The following MGAM2 variants were observed in gnomAD, a reference collection of about 807,000 sequenced individuals.
MGAM2 encodes maltase-glucoamylase 2 (putative), also known as probable maltase-glucoamylase 2.
In MGAM2, 98 loss-of-function variants were observed where a neutral mutation model predicts 96.1. That is an observed-to-expected ratio of 1.02 (90% confidence interval 0.87 to 1.21). The LOEUF (loss-of-function observed/expected upper bound fraction) is 1.21. Ranked by LOEUF, MGAM2 falls within the 50% of genes most tolerant of loss-of-function variation. The pLI, the probability that MGAM2 is intolerant of heterozygous loss-of-function variation, is 0.00. For missense variants in MGAM2, 2,055 were observed against 1,182.4 expected, an observed-to-expected ratio of 1.74 and a Z score of -10.82; for synonymous variants, 749 against 414.8, an observed-to-expected ratio of 1.81 and a Z score of -9.79.
intron 1 of MGAM2, among the ~76,000 whole-genome samples, chr7:142,115,575 G>A (rs1289356395): frequency 6.6e-6 from 1 of 152,212 alleles, no homozygotes. Flanking sequence ...GCTGGGTGCT[G>A]TGGCTCATGC....
At position 142,218,619 on chromosome 7, in the gene MGAM2, TATC is replaced by T. The variant is rs1797834326; in HGVS notation, c.5358+91_5358+93del. The T allele has an allele frequency of 5.1e-6, 3 of 582,606 alleles. No homozygotes were observed. In the East Asian group the frequency reaches 8.5e-5, roughly 16 times the overall value. The allele number at this position is 582,606 out of a possible 1,614,324, so 36.1% of individuals were successfully genotyped here. A position where few individuals can be genotyped will look rare whatever the true frequency, so the allele number is the denominator to read the frequency against. On this transcript the variant is annotated intron_variant, in intron 47 of 47. Coordinates refer to ENST00000477922, the MANE Select transcript of MGAM2 (RefSeq NM_001293626.2). ...CAATAATTTTGCTAACAATTAAAATTATCATTGTTAAATTTTCATGTATTAGAT... is the reference window on the plus strand; with the variant it reads ...CAATAATTTTGCTAACAATTAAAATTATTGTTAAATTTTCATGTATTAGAT...
rs1398357609 is a variant in MGAM2 at position 142,204,867 on chromosome 7, G to T, written c.5138-3706G>T. Among the ~76,000 whole-genome samples, 6 of 152,028 alleles carry T rather than the reference G, an allele frequency of 3.9e-5. No homozygotes were observed. The South Asian group carries it at 8.3e-4, about 21-fold the overall frequency. ...GGCATCCAAAAGTCAAAAAGAGGAG[G>T]TTGACCAGCCATCCTGAATTTCAAA... On this transcript the variant is annotated intron_variant, in intron 45 of 47. Transcript: ENST00000477922.
chr7:142,174,714 T>A, intron 31 of MGAM2, among the ~76,000 whole-genome samples: 1 of 118,712 alleles, frequency 8.4e-6, no homozygotes, highest in Non-Finnish European at 1.7e-5. Flanking sequence ...TCTCTCTCTC[T>A]CTTTTTTTTT....
At chr7:142,193,832 A>G (rs907554592) in intron 37 of MGAM2, among the ~76,000 whole-genome samples, 46 of 152,016 alleles carry the variant, frequency 3.0e-4, no homozygotes, top group Non-Finnish European at 1.8e-4. Context: ...ACAAACACAT[A>G]CTACTGGCTT....
At chr7:142,215,234 A>G (rs1243586586) in intron 46 of MGAM2, among the ~76,000 whole-genome samples, 1 of 152,158 alleles carries the variant, frequency 6.6e-6, no homozygotes, top group Non-Finnish European at 1.5e-5. Context: ...TGTCACTCAT[A>G]TGTGGGAGTT....
chr7:142,209,339 A>AG (rs1297696197), intron 46 of MGAM2, among the ~76,000 whole-genome samples: 2 of 152,332 alleles, frequency 1.3e-5, no homozygotes, highest in East Asian at 3.9e-4. Flanking sequence ...CCAGAGACAG[A>AG]GGAGGGACAG....
In MGAM2 at chr7:142,158,006, C is replaced by T. The variant is rs761677036; in HGVS notation, c.1993C>T (p.Arg665Cys). 13 of 702,828 alleles carry T rather than the reference C, an allele frequency of 1.8e-5. No homozygotes were observed. The highest frequency in any genetic ancestry group is 5.9e-5 in the South Asian group (4 of 67,600). 43.5% of individuals were successfully genotyped at this position (702,828 alleles called of 1,614,324 possible). The change falls in exon 18 of 48, where the codon CGC (arginine) becomes TGC (cysteine). Residue 665 changes from arginine to cysteine, a missense_variant. Coordinates refer to ENST00000477922, the MANE Select transcript of MGAM2 (RefSeq NM_001293626.2). ...ATCCTCCAGACATTATCTGAACATC[C>T]GCTACACCTTGCTGCCCTATCTCTA... ...LKSSRHYLNI[R>C]YTLLPYLYTL...
chr7:142,202,484 A>G (rs1797270333), intron 45 of MGAM2, among the ~76,000 whole-genome samples: 1 of 152,090 alleles, frequency 6.6e-6, no homozygotes, highest in South Asian at 2.1e-4. Flanking sequence ...ACCCCATCTA[A>G]TAGCCTGCAG....
chr7:142,162,438 T>C (rs562543083), intron 23 of MGAM2, among the ~76,000 whole-genome samples: 1 of 152,188 alleles, frequency 6.6e-6, no homozygotes, highest in South Asian at 2.1e-4. Flanking sequence ...GGCTGGAAGA[T>C]ACAGAACATC....
At chr7:142,208,020 C>G (rs1204573307) in intron 45 of MGAM2, among the ~76,000 whole-genome samples, 1 of 152,150 alleles carries the variant, frequency 6.6e-6, no homozygotes, top group Non-Finnish European at 1.5e-5. Context: ...ATTTTAAGCA[C>G]TTATTGTGCA....
At chr7:142,186,183 G>T (rs1796694433) in intron 35 of MGAM2, 60 bp downstream of exon 35, 3 of 686,020 alleles carry the variant, frequency 4.4e-6, no homozygotes, top group Non-Finnish European at 7.9e-6. Context: ...GTCAAAACAT[G>T]GGGAGGAGAG....
intron 31 of MGAM2, 115 bp downstream of exon 31, chr7:142,173,469 A>AT: frequency 8.4e-6 from 5 of 596,690 alleles, no homozygotes; most frequent in Non-Finnish European, 1.2e-5. Context: ...TTCAGGCTGA[A>AT]TTTTTTTTCT....
At chr7:142,183,793 A>G (rs769831750) in intron 33 of MGAM2, among the ~76,000 whole-genome samples, 5 of 151,698 alleles carry the variant, frequency 3.3e-5, no homozygotes, top group East Asian at 1.9e-4. Context: ...GTTTCCTTTA[A>G]TTCGTCTTTA....
At chr7:142,206,576 C>A (rs960635430) in intron 45 of MGAM2, among the ~76,000 whole-genome samples, 7 of 152,080 alleles carry the variant, frequency 4.6e-5, no homozygotes, top group African/African-American at 1.7e-4. Flanking sequence ...AATTAGTATG[C>A]AAAATCAACC....
intron 6 of MGAM2, among the ~76,000 whole-genome samples, chr7:142,133,069 T>G (rs1185551089): frequency 7.4e-6 from 1 of 134,542 alleles, no homozygotes; most frequent in Non-Finnish European, 1.5e-5. Flanking sequence ...TTAATTATAT[T>G]TAATTTATAT....
rs547751580 is a variant in MGAM2, at chr7:142,196,250, C to T, written c.4443C>T (p.Asn1481=). The T allele has an allele frequency of 9.2e-6, 8 of 867,336 alleles. No homozygotes were observed. The African/African-American group carries it at 1.0e-4, about 11-fold the overall frequency. 53.7% of individuals were successfully genotyped at this position (867,336 alleles called of 1,614,324 possible). A position where few individuals can be genotyped will look rare whatever the true frequency, so the allele number is the denominator to read the frequency against. ...GRWGGHRLGN[N]TAAWDQLGKS... The stretch of plus-strand genomic sequence containing the variant: ...GGGGAGGACACCGGTTGGGAAACAA[C>T]ACAGCTGCATGGGACCAGCTGGGGA... The change falls in exon 38 of 48, where the codon AAC becomes AAT. Residue 1481 remains asparagine (N), a synonymous_variant. Coordinates refer to ENST00000477922, the MANE Select transcript of MGAM2 (RefSeq NM_001293626.2).
chr7:142,198,265 A>G (rs1487054946), intron 43 of MGAM2, 70 bp downstream of exon 43: 2 of 664,864 alleles, frequency 3.0e-6, no homozygotes, highest in Non-Finnish European at 5.5e-6. Flanking sequence ...AGAGCCTTCT[A>G]TTTCCAAGCA....
intron 26 of MGAM2, among the ~76,000 whole-genome samples, chr7:142,168,175 A>T (rs1428921015): frequency 6.6e-6 from 1 of 152,122 alleles, no homozygotes; most frequent in Non-Finnish European, 1.5e-5. Flanking sequence ...AATCACCTTC[A>T]GATCATTTTA....
At chr7:142,125,623 A>C (rs1174647557) in intron 3 of MGAM2, among the ~76,000 whole-genome samples, 1 of 152,124 alleles carries the variant, frequency 6.6e-6, no homozygotes, top group Non-Finnish European at 1.5e-5. Flanking sequence ...ATTTATGGAG[A>C]GTTAATAAGT....
Sources: allele counts gnomAD v4.1 joint callset (sites outside exome capture counted in the v4.1 genomes callset), GRCh38; gene constraint gnomAD v4.1.1; transcripts MANE v1.5; gene names NCBI Gene and HGNC (gene_info 2026-07-23, HGNC 2026-07-21).